CLMN: variants seen among roughly 807,000 people sequenced by gnomAD.
The protein encoded by CLMN is calmin (calponin-like, transmembrane).
Under a neutral mutation model 92.7 loss-of-function variants are expected in CLMN, and 57 were observed. The ratio of observed to expected loss-of-function variants is 0.61; its 90% CI spans 0.50 to 0.77. The LOEUF is 0.77. Ranked by LOEUF, CLMN falls within the 30% of genes least tolerant of loss-of-function variation. The probability of loss-of-function intolerance (pLI) is 0.00; values close to 1 mark genes in which losing one functional copy is unlikely to be tolerated. For synonymous variants in CLMN, 466 were observed against 470.6 expected (o/e 0.99, Z 0.13); for missense variants, 1,158 against 1,237.5 (o/e 0.94, Z 0.96).
chr14:95,183,596 C>T lies in CLMN; in HGVS notation c.*7968G>A, dbSNP rs1393700290. The stretch of plus-strand genomic sequence containing the variant: ...ACTTTTCTTTTTGAAGGAGAAAGCC[C>T]AATTTCCTACTCTGTGAAGTACGTG... On this transcript the variant is annotated 3_prime_UTR_variant, in exon 13 of 13. Coordinates refer to ENST00000298912, the MANE Select transcript of CLMN (RefSeq NM_024734.4). 1 of 152,156 alleles carries T rather than the reference C, an allele frequency of 6.6e-6. No homozygotes were observed. Among genetic ancestry groups the T allele is most frequent in the Non-Finnish European group, 1.5e-5 (1 of 68,036 alleles). 9.4% of individuals were successfully genotyped at this position (152,156 alleles called of 1,614,324 possible). A position where few individuals can be genotyped will look rare whatever the true frequency, so the allele number is the denominator to read the frequency against.
chr14:95,295,970 T>C (rs1900793032), intron 1 of CLMN, among the ~76,000 whole-genome samples: 1 of 152,208 alleles, frequency 6.6e-6, no homozygotes, highest in South Asian at 2.1e-4. Context: ...ACTTATCTTA[T>C]AGGTTGGGAG....
rs1320918118 is a variant in CLMN, at chr14:95,196,658, G to A, written c.2548C>T (p.Pro850Ser). ...TCTTTCGTTACATTTTCTTCTAGGG[G>A]GTTTGCTATGTTTTCCAGGTTTGGG... ...ESPNLENIAN[P>S]LEENVTKESI... The change falls in exon 10 of 13, where the codon CCC becomes TCC. Residue 850 changes from proline to serine, a missense_variant. By Grantham distance (74) the Pro-to-Ser change is moderately conservative. Coordinates refer to ENST00000298912, the MANE Select transcript of CLMN (RefSeq NM_024734.4). 4 of 1,613,328 alleles carry A rather than the reference G, an allele frequency of 2.5e-6. No individual in the cohort carries two copies. In the South Asian group the frequency reaches 4.4e-5, roughly 18 times the overall value.
At chr14:95,223,966 GT>G in intron 2 of CLMN, 111 bp from the exon 3 acceptor site, 1 of 747,816 alleles carries the variant, frequency 1.3e-6, no homozygotes. Flanking sequence ...ATCCAGCTCT[GT>G]TTACAGGTAG....
At chr14:95,311,665 C>T (rs1348569885) in intron 1 of CLMN, among the ~76,000 whole-genome samples, 1 of 152,180 alleles carries the variant, frequency 6.6e-6, no homozygotes, top group Non-Finnish European at 1.5e-5. Flanking sequence ...ATGGGCCCGT[C>T]TGGGACGCAC....
intron 1 of CLMN, among the ~76,000 whole-genome samples, chr14:95,243,600 G>A (rs978299521): frequency 1.3e-5 from 2 of 149,314 alleles, no homozygotes; most frequent in African/African-American, 5.0e-5. Context: ...GGAGCATGGA[G>A]AAGAAAAATG....
At chr14:95,276,919 T>C (rs1015653375) in intron 1 of CLMN, among the ~76,000 whole-genome samples, 17 of 150,314 alleles carry the variant, frequency 1.1e-4, no homozygotes, top group Non-Finnish European at 1.8e-4. Flanking sequence ...GGTTTTTGCC[T>C]ATGGTTCCAT....
At chr14:95,250,379 A>G (rs764511384) in intron 1 of CLMN, among the ~76,000 whole-genome samples, 43 of 152,242 alleles carry the variant, frequency 2.8e-4, no homozygotes, top group Non-Finnish European at 5.4e-4. Context: ...GCTGCTATAC[A>G]TACTTCAGTA....
At chr14:95,265,499 T>C (rs1227094283) in intron 1 of CLMN, among the ~76,000 whole-genome samples, 4 of 152,242 alleles carry the variant, frequency 2.6e-5, no homozygotes, top group African/African-American at 9.6e-5. Context: ...AGTGTCTTTC[T>C]CTGTATGTAG....
intron 2 of CLMN, among the ~76,000 whole-genome samples, chr14:95,225,809 G>GC (rs1897693514): frequency 6.6e-6 from 1 of 152,304 alleles, no homozygotes; most frequent in Non-Finnish European, 1.5e-5. Context: ...AGAGCCAGAA[G>GC]CCCCCTGGGC....
Position 95,196,650 on chromosome 14 carries a change from T to C in CLMN, c.2556A>G (p.Glu852=), listed in dbSNP as rs767769143. 26 of 1,613,790 alleles carry C rather than the reference T, an allele frequency of 1.6e-5. No homozygotes were observed. The highest frequency in any genetic ancestry group is 1.2e-4 in the Admixed American group (7 of 59,928). Residue 852 remains glutamate, a synonymous_variant, in exon 10 of 13, where the codon GAA becomes GAG. Transcript: ENST00000298912. Reference sequence around the variant, plus strand: ...TGATTGATTCTTTCGTTACATTTTCTTCTAGGGGGTTTGCTATGTTTTCCA... The same window carrying C: ...TGATTGATTCTTTCGTTACATTTTCCTCTAGGGGGTTTGCTATGTTTTCCA... ...PNLENIANPL[E]ENVTKESISS... is the part of the protein sequence containing the mutation.
chr14:95,193,892 T>A lies in CLMN; in HGVS notation c.2797A>T (p.Asn933Tyr). 1 of 1,614,162 alleles carries A rather than the reference T, an allele frequency of 6.2e-7. No homozygotes were observed. Among genetic ancestry groups the A allele is most frequent in the South Asian group, 1.1e-5 (1 of 91,062 alleles). Residue 933 changes from asparagine to tyrosine, a missense_variant, in exon 12 of 13, where the codon AAC (asparagine) becomes TAC (tyrosine). Coordinates refer to ENST00000298912, the MANE Select transcript of CLMN (RefSeq NM_024734.4). ...SDHFSYVQLRNAADLDDRRNR... is the reference protein window; with the variant it reads ...SDHFSYVQLRYAADLDDRRNR... ...CTTCTGTCATCCAGATCTGCTGCGTTCCTCAACTGAACATAGCTAAAATGA... is the reference window on the plus strand; with the variant it reads ...CTTCTGTCATCCAGATCTGCTGCGTACCTCAACTGAACATAGCTAAAATGA...
chr14:95,303,189 T>C (rs1215315432), intron 1 of CLMN, among the ~76,000 whole-genome samples: 1 of 152,262 alleles, frequency 6.6e-6, no homozygotes, highest in Non-Finnish European at 1.5e-5. Flanking sequence ...AGGGAGCCTG[T>C]GGCTTTGGGC....
intron 1 of CLMN, among the ~76,000 whole-genome samples, chr14:95,237,396 G>A (rs1244211097): frequency 6.6e-6 from 1 of 152,248 alleles, no homozygotes; most frequent in Non-Finnish European, 1.5e-5. Flanking sequence ...AACCCCAGGG[G>A]TTATGTGTGT....
Position 95,259,073 on chromosome 14 carries a change from T to C in CLMN, c.83-28940A>G, listed in dbSNP as rs1899146021. Among the ~76,000 whole-genome samples, 1 of 151,660 alleles carries C rather than the reference T, an allele frequency of 6.6e-6. No individual in the cohort carries two copies. Among genetic ancestry groups the C allele is most frequent in the Non-Finnish European group, 1.5e-5 (1 of 67,952 alleles). On this transcript the variant is annotated intron_variant, in intron 1 of 12. Coordinates refer to ENST00000298912, the MANE Select transcript of CLMN (RefSeq NM_024734.4). This position sits in a 1 kb window ranked among gnomAD's most constrained non-coding sequence, Gnocchi z 4.3. Reference sequence around the variant, plus strand: ...TGGAGAATGTGTTTGTATGTATGTGTGATATGTGTTGTGTGTTTATGTGTG... The same window carrying C: ...TGGAGAATGTGTTTGTATGTATGTGCGATATGTGTTGTGTGTTTATGTGTG...
chr14:95,309,563 G>A (rs111700769), intron 1 of CLMN, among the ~76,000 whole-genome samples: 25,176 of 152,212 alleles, frequency 0.17, 2,408 homozygotes, highest in Middle Eastern at 0.28. Flanking sequence ...TGGCCTCCTA[G>A]GTAAAGAGTC....
At chr14:95,228,068 T>A (rs1897767350) in intron 2 of CLMN, among the ~76,000 whole-genome samples, 1 of 152,206 alleles carries the variant, frequency 6.6e-6, no homozygotes, top group South Asian at 2.1e-4. Context: ...ATCCTTGATA[T>A]GATAAATGCG....
chr14:95,213,343 C>T lies in CLMN; in HGVS notation c.484G>A (p.Gly162Ser), dbSNP rs950832032. 1 of 1,613,372 alleles carries T rather than the reference C, an allele frequency of 6.2e-7. No individual in the cohort carries two copies. Among genetic ancestry groups the T allele is most frequent in the Non-Finnish European group, 8.5e-7 (1 of 1,179,720 alleles). The change falls in exon 6 of 13, where the codon GGC (glycine) becomes AGC (serine). Residue 162 changes from glycine to serine, a missense_variant. Gly to Ser is a moderately conservative substitution (Grantham distance 56). Coordinates refer to ENST00000298912, the MANE Select transcript of CLMN (RefSeq NM_024734.4). ...PSSSLSPGSG[G>S]TDSDSSFPPT... ...GGGAAGGATGAGTCTGAGTCTGTGC[C>T]CCCTGAGCCAGGGGACAAGCTGGAA...
At chr14:95,234,701 C>T (rs1286940624) in intron 1 of CLMN, among the ~76,000 whole-genome samples, 1 of 152,198 alleles carries the variant, frequency 6.6e-6, no homozygotes, top group Admixed American at 6.5e-5. Context: ...GGGAGGGAGG[C>T]CTGGCCCTGG....
chr14:95,319,657 GC>G, intron 1 of CLMN, 53 bp downstream of exon 1: 3 of 1,453,474 alleles, frequency 2.1e-6, no homozygotes, highest in Non-Finnish European at 9.3e-7. Context: ...TCGGAGCGGC[GC>G]CCCGGGCCCC....
Sources: allele counts gnomAD v4.1 joint callset (sites outside exome capture counted in the v4.1 genomes callset), GRCh38; gene constraint gnomAD v4.1.1; non-coding constraint Gnocchi (gnomAD v3.1); transcripts MANE v1.5; gene names NCBI Gene and HGNC (gene_info 2026-07-23, HGNC 2026-07-21).